VPS37A: variants seen among roughly 807,000 people sequenced by gnomAD.
VPS37A encodes the protein vacuolar protein sorting-associated protein 37A.
Under a neutral mutation model 49.8 loss-of-function variants are expected in VPS37A, and 30 were observed. The observed-to-expected ratio is 0.60, with a 90% CI of 0.45 to 0.82. The LOEUF (loss-of-function observed/expected upper bound fraction) is 0.82. VPS37A is among the 40% of genes least tolerant of loss of function. VPS37A has a pLI of 0.00. For missense variants in VPS37A, 593 were observed against 464.4 expected, an observed-to-expected ratio of 1.28 and a Z score of -2.55; for synonymous variants, 195 against 160.6, an observed-to-expected ratio of 1.21 and a Z score of -1.62.
chr8:17,274,701 C>A, intron 4 of VPS37A, 32 bp from the exon 5 acceptor site: 8 of 1,547,772 alleles, frequency 5.2e-6, no homozygotes, highest in Non-Finnish European at 7.1e-6. Context: ...TCCATAAAAT[C>A]TAATGTAATG....
chr8:17,269,634 C>G (rs1310987595), intron 4 of VPS37A, among the ~76,000 whole-genome samples: 1 of 152,186 alleles, frequency 6.6e-6, no homozygotes, highest in Non-Finnish European at 1.5e-5. Flanking sequence ...TCCCTCCATT[C>G]TGAGTTACTC....
chr8:17,265,836 C>A, intron 1 of VPS37A, 71 bp from the exon 2 acceptor site: 1 of 1,609,044 alleles, frequency 6.2e-7, no homozygotes, highest in Non-Finnish European at 8.5e-7. Context: ...TAGATTCTAG[C>A]ACTTAACATT....
intron 5 of VPS37A, among the ~76,000 whole-genome samples, chr8:17,275,297 T>A (rs1054068216): frequency 6.6e-6 from 1 of 152,152 alleles, no homozygotes; most frequent in Non-Finnish European, 1.5e-5. Flanking sequence ...AATATACTGA[T>A]GAATATAGTG....
chr8:17,305,901 A>T, downstream of VPS37A: 1 of 1,613,838 alleles, frequency 6.2e-7, no homozygotes, highest in Non-Finnish European at 8.5e-7. Flanking sequence ...AACACACTCA[A>T]TGAACTGGTC....
intron 4 of VPS37A, among the ~76,000 whole-genome samples, chr8:17,274,361 G>A (rs1340486751): frequency 6.6e-6 from 1 of 152,150 alleles, no homozygotes; most frequent in African/African-American, 2.4e-5. Flanking sequence ...TTGAATAAAT[G>A]TCCTGGATTA....
the VPS37A span, among the ~76,000 whole-genome samples, chr8:17,333,421 C>T: frequency 6.6e-6 from 1 of 152,058 alleles, no homozygotes; most frequent in Admixed American, 6.5e-5. Context: ...TTATAACAAG[C>T]ATCATAAATA....
At chr8:17,300,883 T>C (rs1407123021), downstream of VPS37A, among the ~76,000 whole-genome samples, 1 of 152,250 alleles carries the variant, frequency 6.6e-6, no homozygotes, top group African/African-American at 2.4e-5. Flanking sequence ...ATGTGGATTT[T>C]TGTATCTGGC....
At chr8:17,330,420 G>C in the VPS37A span, among the ~76,000 whole-genome samples, 2 of 152,232 alleles carry the variant, frequency 1.3e-5, no homozygotes, top group South Asian at 2.1e-4. Flanking sequence ...CGCAGAGCCG[G>C]AAGTGGTAGA....
chr8:17,271,596 A>C (rs1240732774), intron 4 of VPS37A, among the ~76,000 whole-genome samples: 2 of 151,020 alleles, frequency 1.3e-5, no homozygotes, highest in African/African-American at 4.9e-5. Context: ...ACAGAGCAAG[A>C]CTCCGTCTCA....
chr8:17,262,828 C>A (rs867618045), intron 1 of VPS37A, among the ~76,000 whole-genome samples: 29 of 151,928 alleles, frequency 1.9e-4, no homozygotes, highest in African/African-American at 6.3e-4. Flanking sequence ...TTTGGGAGGC[C>A]GAGGCGGGCA....
chr8:17,248,371 C>G (rs1203427487), intron 1 of VPS37A: 1 of 454,208 alleles, frequency 2.2e-6, no homozygotes, highest in Non-Finnish European at 4.4e-6. Context: ...TTCAAGCAAT[C>G]ATCCTCCCTC....
chr8:17,289,556 T>C (rs935515324), intron 11 of VPS37A, among the ~76,000 whole-genome samples: 8 of 152,194 alleles, frequency 5.3e-5, no homozygotes, highest in African/African-American at 1.9e-4. Context: ...TCCATTGGTC[T>C]GTATGTCTGT....
At chr8:17,253,395 T>G (rs900513248) in intron 1 of VPS37A, among the ~76,000 whole-genome samples, 1 of 152,234 alleles carries the variant, frequency 6.6e-6, no homozygotes, top group Admixed American at 6.5e-5. Context: ...ATGTCACTCC[T>G]TTCAGTAGTT....
intron 1 of VPS37A, among the ~76,000 whole-genome samples, chr8:17,254,596 A>C (rs1220213076): frequency 6.6e-6 from 1 of 151,458 alleles, no homozygotes; most frequent in African/African-American, 2.4e-5. Flanking sequence ...TATGTTTTGG[A>C]TTGTGATTTT....
intron 8 of VPS37A, 21 bp from the exon 9 acceptor site, chr8:17,280,354 C>A (rs1814927247): frequency 1.9e-6 from 3 of 1,602,172 alleles, no homozygotes; most frequent in Non-Finnish European, 2.6e-6. Flanking sequence ...AATAAAACAA[C>A]CTTTTCATTT....
At chr8:17,247,421 G>GGGGGT in intron 1 of VPS37A, 52 bp downstream of exon 1, 4 of 163,974 alleles carry the variant, frequency 2.4e-5, no homozygotes, top group Non-Finnish European at 4.7e-5. Flanking sequence ...GGGAGGGCGG[G>GGGGGT]CTTGTCCTAA....
chr8:17,319,833 A>C, the VPS37A span, among the ~76,000 whole-genome samples: 1 of 152,100 alleles, frequency 6.6e-6, no homozygotes, highest in Non-Finnish European at 1.5e-5. Flanking sequence ...ATAATTCAGC[A>C]GGAACCAATC....
chr8:17,258,117 T>A (rs1420108081), intron 1 of VPS37A, among the ~76,000 whole-genome samples: 1 of 152,192 alleles, frequency 6.6e-6, no homozygotes, highest in African/African-American at 2.4e-5. Flanking sequence ...TAACTTCTCT[T>A]TTCCATTTTA....
Position 17,264,043 on chromosome 8 carries a change from T to C in VPS37A, c.126-1864T>C, listed in dbSNP as rs151002854. Among the ~76,000 whole-genome samples, 230 of 152,356 alleles carry C rather than the reference T, an allele frequency of 1.5e-3. 5 individuals carry two copies. The highest frequency in any genetic ancestry group is 2.2e-4 in the African/African-American group (9 of 41,594). On this transcript the variant is annotated intron_variant, in intron 1 of 11. Coordinates refer to ENST00000324849, the MANE Select transcript of VPS37A (RefSeq NM_152415.3). Reference sequence around the variant, plus strand: ...ATAGCTAACATTTATTGAACACTTATTTGCCTGGTACTGTGTTGGGGGATT... The same window carrying C: ...ATAGCTAACATTTATTGAACACTTACTTGCCTGGTACTGTGTTGGGGGATT...
Sources: allele counts gnomAD v4.1 joint callset (sites outside exome capture counted in the v4.1 genomes callset), GRCh38; gene constraint gnomAD v4.1.1; transcripts MANE v1.5; gene names NCBI Gene and HGNC (gene_info 2026-07-23, HGNC 2026-07-21).